DENND1A: variants seen among roughly 807,000 people sequenced by gnomAD.
The protein encoded by DENND1A is DENN domain-containing protein 1A.
In DENND1A, 51 loss-of-function variants were observed where a neutral mutation model predicts 113.7. That is an observed-to-expected ratio of 0.45 (90% CI 0.36 to 0.57). The LOEUF is 0.57. DENND1A is among the 20% of genes least tolerant of loss of function. DENND1A has a pLI of 0.00. For synonymous variants in DENND1A, 565 were observed against 570.8 expected (o/e 0.99, Z 0.14); for missense variants, 1,258 against 1,395.9 (o/e 0.90, Z 1.57).
At chr9:123,762,099 T>G (rs892358245) in intron 4 of DENND1A, among the ~76,000 whole-genome samples, 1 of 152,092 alleles carries the variant, frequency 6.6e-6, no homozygotes, top group Non-Finnish European at 1.5e-5. Context: ...CAAAGTCCTT[T>G]CCATTCTGCC....
chr9:123,926,753 C>T (rs978306234), intron 1 of DENND1A, among the ~76,000 whole-genome samples: 4 of 151,786 alleles, frequency 2.6e-5, no homozygotes, highest in South Asian at 4.2e-4. Context: ...TTCTTAAATG[C>T]GTTCCATGAA....
At chr9:123,600,935 T>TC (rs2059912356) in intron 11 of DENND1A, among the ~76,000 whole-genome samples, 2 of 152,032 alleles carry the variant, frequency 1.3e-5, no homozygotes, top group Non-Finnish European at 2.9e-5. Context: ...TGTTACACAG[T>TC]CCCCCTGCTC....
At chr9:123,637,933 GCACACACACACACACACGCGCACACA>G (rs1041520796) in intron 9 of DENND1A, among the ~76,000 whole-genome samples, 2 of 74,080 alleles carry the variant, frequency 2.7e-5, no homozygotes, top group Non-Finnish European at 5.2e-5. Context: ...ACACACACAC[GCACACACACACACACACGCGCACACA>G]CACACACACA....
intron 12 of DENND1A, among the ~76,000 whole-genome samples, chr9:123,579,283 C>T (rs1015386054): frequency 5.3e-5 from 8 of 152,078 alleles, no homozygotes; most frequent in African/African-American, 9.7e-5. Context: ...CAAGATCACA[C>T]GGACATGAAG....
chr9:123,792,470 G>A, intron 3 of DENND1A, 117 bp downstream of exon 3: 1 of 1,063,956 alleles, frequency 9.4e-7, no homozygotes, highest in East Asian at 2.7e-5. Context: ...CCTAATTACT[G>A]CTTTTCTTCC....
chr9:123,572,521 G>A (rs2058414532), intron 12 of DENND1A, among the ~76,000 whole-genome samples: 1 of 152,126 alleles, frequency 6.6e-6, no homozygotes, highest in Non-Finnish European at 1.5e-5. Context: ...CCGTACCAGT[G>A]GGTATGCAGT....
At chr9:123,784,401 G>A (rs571248677) in intron 3 of DENND1A, among the ~76,000 whole-genome samples, 82 of 152,296 alleles carry the variant, frequency 5.4e-4, no homozygotes, top group Middle Eastern at 3.4e-3. Context: ...GAAGCTTTGA[G>A]TGTGAATGCA....
chr9:123,871,824 C>T (rs957923704), intron 2 of DENND1A, among the ~76,000 whole-genome samples: 2 of 152,186 alleles, frequency 1.3e-5, no homozygotes, highest in African/African-American at 4.8e-5. Context: ...CAGGAGGAAG[C>T]TGGTCTGCCA....
At chr9:123,829,905 G>A (rs1053170600) in intron 2 of DENND1A, among the ~76,000 whole-genome samples, 1 of 152,062 alleles carries the variant, frequency 6.6e-6, no homozygotes, top group Non-Finnish European at 1.5e-5. Flanking sequence ...GACAATGCAA[G>A]AAAGGAAATT....
At chr9:123,722,019 A>G (rs2067377673) in intron 5 of DENND1A, among the ~76,000 whole-genome samples, 1 of 152,222 alleles carries the variant, frequency 6.6e-6, no homozygotes, top group Non-Finnish European at 1.5e-5. Flanking sequence ...AAAAGTTTGG[A>G]ACTTCCTAGA....
intron 13 of DENND1A, among the ~76,000 whole-genome samples, chr9:123,500,656 TCTCC>T (rs772052051): frequency 2.0e-5 from 3 of 152,126 alleles, no homozygotes; most frequent in Non-Finnish European, 2.9e-5. Context: ...TCCGCACGCC[TCTCC>T]CTCTTAGCAT....
chr9:123,558,574 G>C (rs532712293), intron 12 of DENND1A, among the ~76,000 whole-genome samples: 1 of 152,322 alleles, frequency 6.6e-6, no homozygotes, highest in African/African-American at 2.4e-5. Flanking sequence ...AGGAGGGAAA[G>C]ATGAAGGTTG....
At chr9:123,484,319 A>G (rs1397482944) in intron 13 of DENND1A, among the ~76,000 whole-genome samples, 1 of 152,190 alleles carries the variant, frequency 6.6e-6, no homozygotes, top group East Asian at 1.9e-4. Flanking sequence ...CGATTGGGGC[A>G]AAGGGCTGTG....
chr9:123,726,688 G>C (rs1418887521), intron 5 of DENND1A, among the ~76,000 whole-genome samples: 2 of 152,038 alleles, frequency 1.3e-5, no homozygotes, highest in Non-Finnish European at 2.9e-5. Context: ...CTTAATAATG[G>C]TGAAAAAAAC....
rs140790903 is a variant in DENND1A, at chr9:123,414,908, C to T, written c.1489-3079G>A. Reference sequence around the variant, plus strand: ...TAGGGTCTAGTAGAGTACTTGATACCTAATAGGTGCTCAGCAAATTACTTT... The same window carrying T: ...TAGGGTCTAGTAGAGTACTTGATACTTAATAGGTGCTCAGCAAATTACTTT... On this transcript the variant is annotated intron_variant, in intron 19 of 23. Transcript: ENST00000394215. 5.5e-4 allele frequency among the ~76,000 whole-genome samples: 83 copies of T among 152,288 alleles called. 1 individual carries two copies. Among genetic ancestry groups the T allele is most frequent in the Admixed American group, 9.2e-4 (14 of 15,278 alleles).
rs2042239547 is a variant in DENND1A, at chr9:123,380,908, G to C, written c.*524C>G. On this transcript the variant is annotated 3_prime_UTR_variant, in exon 24 of 24. Coordinates refer to ENST00000394215, the MANE Select transcript of DENND1A (RefSeq NM_001352964.2). ...AAACAGTCTGGAAGTGCCCCACCAG[G>C]TAAATCCTCCAGCCCAGGAGGAGTC... 1 of 160,746 alleles carries C rather than the reference G, an allele frequency of 6.2e-6. No individual in the cohort carries two copies. The highest frequency in any genetic ancestry group is 1.4e-5 in the Non-Finnish European group (1 of 73,236). The allele number at this position is 160,746 out of a possible 1,614,324, so 10.0% of individuals were successfully genotyped here.
chr9:123,818,168 G>A (rs1271233474), intron 2 of DENND1A, among the ~76,000 whole-genome samples: 3 of 151,914 alleles, frequency 2.0e-5, no homozygotes, highest in African/African-American at 7.3e-5. Flanking sequence ...GCAGTGGCGC[G>A]ATCTCGGCTC....
intron 18 of DENND1A, among the ~76,000 whole-genome samples, chr9:123,449,528 C>A (rs1386508129): frequency 7.2e-6 from 1 of 138,794 alleles, no homozygotes. Flanking sequence ...AGTGAGACTC[C>A]GTCTCAAAAA....
chr9:123,691,413 G>T (rs935557400), intron 5 of DENND1A, among the ~76,000 whole-genome samples: 3 of 152,174 alleles, frequency 2.0e-5, no homozygotes, highest in Non-Finnish European at 4.4e-5. Context: ...AGGCGAACTG[G>T]ATGAAACAGA....
Sources: gnomAD v4.1 joint callset for allele counts (sites outside exome capture counted in the v4.1 genomes callset) on GRCh38, gnomAD v4.1.1 for gene constraint, MANE v1.5 for transcripts, NCBI Gene and HGNC (gene_info 2026-07-23, HGNC 2026-07-21) for gene names.